The following NKAIN3 variants were observed in gnomAD, a reference collection of about 807,000 sequenced individuals.
NKAIN3 encodes the protein sodium/potassium transporting ATPase interacting 3, also known as sodium/potassium-transporting ATPase subunit beta-1-interacting protein 3.
In NKAIN3, 25 loss-of-function variants were observed where a neutral mutation model predicts 30.2. That is an observed-to-expected ratio of 0.83 (90% CI 0.60 to 1.16). The LOEUF is 1.16. NKAIN3 is among the 50% of genes most tolerant of loss of function. The probability of loss-of-function intolerance (pLI) is 0.00; values close to 1 mark genes in which losing one functional copy is unlikely to be tolerated. For synonymous variants in NKAIN3, 91 were observed against 89.6 expected, an observed-to-expected ratio of 1.02 and a Z score of -0.09; for missense variants, 225 against 254.1, an observed-to-expected ratio of 0.89 and a Z score of 0.78.
chr8:62,841,505 C>T (rs1819531742), intron 4 of NKAIN3, among the ~76,000 whole-genome samples: 3 of 152,200 alleles, frequency 2.0e-5, no homozygotes, highest in Non-Finnish European at 4.4e-5. Context: ...GCTCTGGTAA[C>T]CACCATTCCA....
chr8:62,606,722 T>C (rs1811143831), intron 3 of NKAIN3, among the ~76,000 whole-genome samples: 1 of 152,200 alleles, frequency 6.6e-6, no homozygotes, highest in South Asian at 2.1e-4. Context: ...TTTATTTTTG[T>C]CCTGTAATTA....
At chr8:62,607,940 C>T (rs1424767974) in intron 3 of NKAIN3, among the ~76,000 whole-genome samples, 2 of 152,060 alleles carry the variant, frequency 1.3e-5, no homozygotes, top group Non-Finnish European at 2.9e-5. Flanking sequence ...TCCAAGGATT[C>T]CTAGCAAGCA....
intron 4 of NKAIN3, among the ~76,000 whole-genome samples, chr8:62,811,048 C>T (rs1003354086): frequency 1.3e-5 from 2 of 152,072 alleles, no homozygotes; most frequent in Admixed American, 6.6e-5. Flanking sequence ...TCCCCTTCCT[C>T]CTTTCCTTCC....
intron 1 of NKAIN3, among the ~76,000 whole-genome samples, chr8:62,457,695 A>C (rs998903982): frequency 9.9e-5 from 15 of 152,246 alleles, no homozygotes; most frequent in Non-Finnish European, 1.9e-4. Flanking sequence ...AGTGTGATTT[A>C]AGTACAGTTT....
chr8:62,313,708 A>G (rs1814522231), intron 1 of NKAIN3, among the ~76,000 whole-genome samples: 1 of 152,192 alleles, frequency 6.6e-6, no homozygotes, highest in South Asian at 2.1e-4. Flanking sequence ...TCCAAAAGAC[A>G]TATAAGAGTC....
At chr8:62,357,086 A>T (rs1366929748) in intron 1 of NKAIN3, among the ~76,000 whole-genome samples, 1 of 152,118 alleles carries the variant, frequency 6.6e-6, no homozygotes, top group Admixed American at 6.6e-5. Context: ...TGGGCAACAG[A>T]GTGAGACCCT....
At chr8:62,290,601 T>C (rs879030534) in intron 1 of NKAIN3, among the ~76,000 whole-genome samples, 1 of 152,220 alleles carries the variant, frequency 6.6e-6, no homozygotes, top group African/African-American at 2.4e-5. Context: ...AACTTGCTCA[T>C]GGTGGATAAG....
intron 3 of NKAIN3, among the ~76,000 whole-genome samples, chr8:62,653,753 G>C (rs1413580482): frequency 6.6e-6 from 1 of 152,080 alleles, no homozygotes; most frequent in East Asian, 1.9e-4. Context: ...TGATGAAAAA[G>C]GGTCCATCAG....
At chr8:62,722,530 T>G (rs928893742) in intron 3 of NKAIN3, among the ~76,000 whole-genome samples, 3 of 152,158 alleles carry the variant, frequency 2.0e-5, no homozygotes, top group Non-Finnish European at 4.4e-5. Context: ...AACTATCTGG[T>G]TAGTAATAAT....
At chr8:62,963,879 G>T (rs1823636575) in intron 6 of NKAIN3, among the ~76,000 whole-genome samples, 1 of 152,128 alleles carries the variant, frequency 6.6e-6, no homozygotes, top group Non-Finnish European at 1.5e-5. Context: ...ATGCTGTACA[G>T]CGAGAAGAGT....
intron 4 of NKAIN3, among the ~76,000 whole-genome samples, chr8:62,806,295 C>A (rs1818278197): frequency 6.6e-6 from 1 of 152,168 alleles, no homozygotes; most frequent in African/African-American, 2.4e-5. Flanking sequence ...CCAGCCATCC[C>A]ATTACTGGGT....
intron 3 of NKAIN3, among the ~76,000 whole-genome samples, chr8:62,704,069 C>CA (rs1205676916): frequency 3.3e-5 from 5 of 152,236 alleles, no homozygotes; most frequent in African/African-American, 9.6e-5. Context: ...GAAATGGTCT[C>CA]AAAATATTTT....
chr8:62,662,659 A>C (rs1812981926), intron 3 of NKAIN3, among the ~76,000 whole-genome samples: 1 of 152,218 alleles, frequency 6.6e-6, no homozygotes, highest in African/African-American at 2.4e-5. Context: ...CCTTTATAGC[A>C]CATACAATCT....
intron 1 of NKAIN3, among the ~76,000 whole-genome samples, chr8:62,412,581 C>T (rs1804278089): frequency 6.6e-6 from 1 of 151,970 alleles, no homozygotes; most frequent in Non-Finnish European, 1.5e-5. Flanking sequence ...CTATAAGGAA[C>T]TTAAATCAAT....
intron 1 of NKAIN3, among the ~76,000 whole-genome samples, chr8:62,318,734 C>A (rs1356545765): frequency 6.6e-6 from 1 of 152,138 alleles, no homozygotes; most frequent in Non-Finnish European, 1.5e-5. Flanking sequence ...ATTCGGTTTG[C>A]CAGTATTTTA....
intron 4 of NKAIN3, among the ~76,000 whole-genome samples, chr8:62,827,984 A>G (rs572908741): frequency 3.5e-4 from 53 of 152,318 alleles, no homozygotes; most frequent in African/African-American, 1.2e-3. Flanking sequence ...GCAGATTTAT[A>G]TGTGACAGCT....
intron 3 of NKAIN3, among the ~76,000 whole-genome samples, chr8:62,676,105 A>T (rs10090181): frequency 0.024 from 3,717 of 152,278 alleles, 138 homozygotes; most frequent in African/African-American, 0.083. Flanking sequence ...TGTTCACAAA[A>T]ATCTTATGAG....
At chr8:62,815,099 C>A (rs1441023061) in intron 4 of NKAIN3, among the ~76,000 whole-genome samples, 3 of 152,116 alleles carry the variant, frequency 2.0e-5, no homozygotes, top group African/African-American at 7.2e-5. Context: ...TACCTCTACA[C>A]AAATAAACTA....
In NKAIN3 at chr8:62,666,608, TA is replaced by T. The variant is rs1215358989; in HGVS notation, c.273+76815del. Among the ~76,000 whole-genome samples the T allele has an allele frequency of 6.6e-5, 10 of 152,308 alleles. No homozygotes were observed. The East Asian group carries it at 1.5e-3, about 23-fold the overall frequency. The stretch of plus-strand genomic sequence containing the variant: ...AAATAATTTCTCATTTTAATTTTTG[TA>T]TGTATAATTATTTATCCCTTACCTT... On this transcript the variant is annotated intron_variant, in intron 3 of 6. Coordinates refer to ENST00000623646, the MANE Select transcript of NKAIN3 (RefSeq NM_001304533.3).
Sources: allele counts gnomAD v4.1 joint callset (sites outside exome capture counted in the v4.1 genomes callset), GRCh38; gene constraint gnomAD v4.1.1; transcripts MANE v1.5; gene names NCBI Gene and HGNC (gene_info 2026-07-23, HGNC 2026-07-21).